Variants in TPRKB observed in about 807,000 individuals in gnomAD.
TPRKB encodes EKC/KEOPS complex subunit TPRKB.
Under a neutral mutation model 17.8 loss-of-function variants are expected in TPRKB, and 11 were observed. That is an observed-to-expected ratio of 0.62 (90% CI 0.39 to 1.02). The LOEUF (loss-of-function observed/expected upper bound fraction) is 1.02, where lower values mean the gene tolerates loss of function less well. Ranked by LOEUF, TPRKB falls within the 50% of genes least tolerant of loss-of-function variation. The pLI, the probability that TPRKB is intolerant of heterozygous loss-of-function variation, is 0.00. For synonymous variants in TPRKB, 71 were observed against 69.5 expected (o/e 1.02, Z -0.11); for missense variants, 228 against 198.0 (o/e 1.15, Z -0.91).
intron 1 of TPRKB, 31 bp from the exon 2 acceptor site, chr2:73,734,622 T>C (rs1320207561): frequency 6.6e-7 from 1 of 1,518,992 alleles, no homozygotes. Context: ...CCAAAAGATT[T>C]CATTTAAAAG....
At chr2:73,730,218 G>T in intron 4 of TPRKB, 189 bp from the exon 5 acceptor site, 1 of 615,566 alleles carries the variant, frequency 1.6e-6, no homozygotes, top group East Asian at 3.9e-5. Context: ...TTAAATTGCT[G>T]CTATGGGAGT....
rs3076394 is a variant in TPRKB, at chr2:73,733,246, G to GTTTTTTTTTTTTTTTTTTTTTTTTT, written c.142-962_142-961insAAAAAAAAAAAAAAAAAAAAAAAAA. 1.7e-5 allele frequency among the ~76,000 whole-genome samples: 2 copies of GTTTTTTTTTTTTTTTTTTTTTTTTT among 119,378 alleles called. 1 individual carries two copies. Among genetic ancestry groups the GTTTTTTTTTTTTTTTTTTTTTTTTT allele is most frequent in the Non-Finnish European group, 3.5e-5 (2 of 57,948 alleles). 78.3% of individuals were successfully genotyped at this position (119,378 alleles called of 152,430 possible). On this transcript the variant is annotated intron_variant, in intron 2 of 4. Transcript: ENST00000272424. ...AACATGATCGCACTGCGTGTGCCCTGTTTTTTTGTTTTTTTTTTTTTTTGG... is the reference window on the plus strand; with the variant it reads ...AACATGATCGCACTGCGTGTGCCCTGTTTTTTTTTTTTTTTTTTTTTTTTTTTTTTTTGTTTTTTTTTTTTTTTGG...
At chr2:73,736,471 G>A (rs749107465) in intron 1 of TPRKB, among the ~76,000 whole-genome samples, 2 of 152,148 alleles carry the variant, frequency 1.3e-5, no homozygotes, top group African/African-American at 2.4e-5. Context: ...AACACTGAGT[G>A]GGGGGAAGAA....
intron 1 of TPRKB, among the ~76,000 whole-genome samples, chr2:73,735,709 C>T (rs1671848070): frequency 6.6e-6 from 1 of 152,082 alleles, no homozygotes; most frequent in Non-Finnish European, 1.5e-5. Context: ...AATGGAAAAA[C>T]TATGTATTGC....
chr2:73,734,366 T>C lies in TPRKB; in HGVS notation c.141+63A>G, dbSNP rs1671778575. The C allele has an allele frequency of 2.0e-6, 3 of 1,535,258 alleles. No homozygotes were observed. In the East Asian group the frequency reaches 6.9e-5, roughly 35 times the overall value. ...CACCCGCCTCGGCCTCCTAAAGTGC[T>C]GGCATTACAGGCGTGAGCCACCGCA... On this transcript the variant is annotated intron_variant, in intron 2 of 4. Coordinates refer to ENST00000272424, the MANE Select transcript of TPRKB (RefSeq NM_016058.5).
rs761732331 is a variant in TPRKB at position 73,732,215 on chromosome 2, T to C, written c.212A>G (p.Lys71Arg). ...AVHLYKLGKM[K>R]TRTLSTEIIF... The stretch of plus-strand genomic sequence containing the variant: ...AATTTCAGTAGATAGAGTTCTTGTC[T>C]TCATTTTTCCCAGTTTGTAGAGGTG... The change falls in exon 3 of 5, where the codon AAG becomes AGG. Residue 71 changes from lysine (K) to arginine (R), a missense_variant. By Grantham distance (26) the Lys-to-Arg change is conservative. Transcript: ENST00000272424. 16 of 1,613,994 alleles carry C rather than the reference T, an allele frequency of 9.9e-6. No individual in the cohort carries two copies. The highest frequency in any genetic ancestry group is 1.3e-5 in the African/African-American group (1 of 74,946).
At chr2:73,736,843 T>G (rs1671906975) in intron 1 of TPRKB, among the ~76,000 whole-genome samples, 1 of 152,168 alleles carries the variant, frequency 6.6e-6, no homozygotes, top group South Asian at 2.1e-4. Flanking sequence ...CACTCTACGA[T>G]CTGGTCCCTG....
intron 2 of TPRKB, 69 bp downstream of exon 2, chr2:73,734,360 A>C (rs1671778339): frequency 6.6e-7 from 1 of 1,510,230 alleles, no homozygotes; most frequent in Admixed American, 2.2e-5. Flanking sequence ...CGGCCTCCTA[A>C]AGTGCTGGCA....
Position 73,730,658 on chromosome 2 carries a change from T to C in TPRKB, c.343A>G (p.Lys115Glu). Reference protein sequence around the residue: ...ILIVYIEEGEKQINQEYLISQ... With the variant: ...ILIVYIEEGEEQINQEYLISQ... ...ATTAGGTATTCTTGATTTATTTGTT[T>C]TTCTCCCTCTTCAATGTAAACAATT... Residue 115 changes from lysine to glutamate, a missense_variant, in exon 4 of 5, where the codon AAA becomes GAA. Lys to Glu is a moderately conservative substitution (Grantham distance 56, BLOSUM62 1). Transcript: ENST00000272424. 1 of 1,591,648 alleles carries C rather than the reference T, an allele frequency of 6.3e-7. No homozygotes were observed. The highest frequency in any genetic ancestry group is 8.5e-7 in the Non-Finnish European group (1 of 1,172,920).
intron 1 of TPRKB, among the ~76,000 whole-genome samples, chr2:73,735,419 T>C (rs1022606388): frequency 1.3e-5 from 2 of 151,972 alleles, no homozygotes; most frequent in Admixed American, 6.6e-5. Context: ...CATACAAACA[T>C]GGCACATGTA....
chr2:73,733,246 G>GTTTTTTTTTT lies in TPRKB; in HGVS notation c.142-962_142-961insAAAAAAAAAA, dbSNP rs3076394. ...AACATGATCGCACTGCGTGTGCCCT[G>GTTTTTTTTTT]TTTTTTTGTTTTTTTTTTTTTTTGG... On this transcript the variant is annotated intron_variant, in intron 2 of 4. Coordinates refer to ENST00000272424, the MANE Select transcript of TPRKB (RefSeq NM_016058.5). Among the ~76,000 whole-genome samples, 10 of 119,378 alleles carry GTTTTTTTTTT rather than the reference G, an allele frequency of 8.4e-5. 2 individuals are homozygous for GTTTTTTTTTT. Among genetic ancestry groups the GTTTTTTTTTT allele is most frequent in the Non-Finnish European group, 6.9e-5 (4 of 57,948 alleles). 78.3% of individuals were successfully genotyped at this position (119,378 alleles called of 152,430 possible).
intron 1 of TPRKB, among the ~76,000 whole-genome samples, chr2:73,735,540 C>T (rs1671841209): frequency 2.0e-5 from 3 of 152,024 alleles, no homozygotes; most frequent in Admixed American, 2.0e-4. Flanking sequence ...TCATTCCACG[C>T]ATGGAAATTA....
At chr2:73,730,179 T>A in intron 4 of TPRKB, 150 bp from the exon 5 acceptor site, 2 of 958,078 alleles carry the variant, frequency 2.1e-6, no homozygotes, top group Non-Finnish European at 2.9e-6. Flanking sequence ...ATATTCAAAG[T>A]AGAGGGCAAT....
In TPRKB at chr2:73,736,597, G is replaced by A. The variant is rs570610974; in HGVS notation, c.-23+705C>T. On this transcript the variant is annotated intron_variant, in intron 1 of 4. Transcript: ENST00000272424. ...GTCACTCAAATCCTATATCTAATCCGTAAAGTCCTGAATTTTCACCTGCTA... is the reference window on the plus strand; with the variant it reads ...GTCACTCAAATCCTATATCTAATCCATAAAGTCCTGAATTTTCACCTGCTA... 7.2e-5 allele frequency among the ~76,000 whole-genome samples: 11 copies of A among 152,248 alleles called. No homozygotes were observed. In the East Asian group the frequency reaches 2.1e-3, roughly 29 times the overall value.
At chr2:73,730,813 G>C (rs1573139789) in intron 3 of TPRKB, 77 bp from the exon 4 acceptor site, 2 of 1,067,886 alleles carry the variant, frequency 1.9e-6, no homozygotes, top group Non-Finnish European at 2.6e-6. Flanking sequence ...TTCCTGATCT[G>C]CCTTCTTCCT....
intron 4 of TPRKB, chr2:73,730,272 G>A (rs1417693868): frequency 2.3e-6 from 1 of 429,594 alleles, no homozygotes; most frequent in Non-Finnish European, 3.9e-6. Flanking sequence ...CATTTTAAAA[G>A]CATACTAAAT....
At position 73,734,605 on chromosome 2, in the gene TPRKB, G is replaced by T. The variant is rs576492866; in HGVS notation, c.-22-14C>A. The stretch of plus-strand genomic sequence containing the variant: ...AGCAGGATTCTACTGCACACAAAAT[G>T]AAAAGACCAAAAGATTTCATTTAAA... On this transcript the variant is annotated splice_polypyrimidine_tract_variant and intron_variant, in intron 1 of 4. Coordinates refer to ENST00000272424, the MANE Select transcript of TPRKB (RefSeq NM_016058.5). The T allele has an allele frequency of 1.3e-6, 2 of 1,548,648 alleles. No individual in the cohort carries two copies. Among genetic ancestry groups the T allele is most frequent in the Admixed American group, 2.2e-5 (1 of 45,200 alleles).
chr2:73,729,981 C>A lies in TPRKB; in HGVS notation c.490G>T (p.Ala164Ser). 6.3e-7 allele frequency: 1 copy of A among 1,575,294 alleles called. No homozygotes were observed. Among genetic ancestry groups the A allele is most frequent in the Admixed American group, 1.8e-5 (1 of 54,370 alleles). The change falls in exon 5 of 5, where the codon GCT (alanine) becomes TCT (serine). Residue 164 changes from alanine (A) to serine (S), a missense_variant. Coordinates refer to ENST00000272424, the MANE Select transcript of TPRKB (RefSeq NM_016058.5). ...TTTGTTGACATTCTACAAATGATAG[C>A]ATCCAATAATGTCCCAATACTTTCT... ...QEESIGTLLD[A>S]IICRMSTKDV...
intron 3 of TPRKB, 138 bp from the exon 4 acceptor site, chr2:73,730,874 T>C: frequency 3.6e-6 from 2 of 561,244 alleles, no homozygotes; most frequent in Non-Finnish European, 5.8e-6. Context: ...GCCTACTTTT[T>C]CACTTTAATG....
Sources: allele counts gnomAD v4.1 joint callset (sites outside exome capture counted in the v4.1 genomes callset), GRCh38; gene constraint gnomAD v4.1.1; transcripts MANE v1.5; gene names NCBI Gene and HGNC (gene_info 2026-07-23, HGNC 2026-07-21).